Variants in NALCN observed in about 807,000 individuals in gnomAD.
The protein encoded by NALCN is sodium leak channel, non-selective, also known as sodium leak channel NALCN.
In NALCN, 111 loss-of-function variants were observed where a neutral mutation model predicts 225.3. The observed-to-expected ratio is 0.49, with a 90% CI of 0.42 to 0.58. NALCN has a LOEUF of 0.58. Among genes scored for constraint, NALCN ranks in the 20% least tolerant of loss-of-function variants. NALCN has a pLI of 0.00. For missense variants in NALCN, 1,378 were observed against 2,202.4 expected, an observed-to-expected ratio of 0.63 and a Z score of 7.49; for synonymous variants, 764 against 769.0, an observed-to-expected ratio of 0.99 and a Z score of 0.11.
chr13:101,090,051 G>A, intron 28 of NALCN, 85 bp from the exon 29 acceptor site: 1 of 1,590,338 alleles, frequency 6.3e-7, no homozygotes, highest in Non-Finnish European at 8.6e-7. Context: ...CCAGTCATGA[G>A]TGTGGGATAT....
intron 1 of NALCN, among the ~76,000 whole-genome samples, chr13:101,409,613 G>A (rs2047721997): frequency 6.6e-6 from 1 of 152,074 alleles, no homozygotes; most frequent in Admixed American, 6.6e-5. Flanking sequence ...TTTTGATTGT[G>A]GTTGTTTAAT....
At chr13:101,186,344 T>G (rs1360837582) in intron 14 of NALCN, among the ~76,000 whole-genome samples, 3 of 152,184 alleles carry the variant, frequency 2.0e-5, no homozygotes, top group Non-Finnish European at 2.9e-5. Context: ...TAAGAGGACA[T>G]GAATTAAGCT....
chr13:101,271,462 C>T (rs1224530187), intron 10 of NALCN, among the ~76,000 whole-genome samples: 1 of 152,044 alleles, frequency 6.6e-6, no homozygotes. Flanking sequence ...CTACATGTAG[C>T]TATTTTATTT....
At chr13:101,375,930 A>G (rs1445246101) in intron 6 of NALCN, among the ~76,000 whole-genome samples, 1 of 152,014 alleles carries the variant, frequency 6.6e-6, no homozygotes, top group African/African-American at 2.4e-5. Context: ...CTGCCATCAC[A>G]TCCCTGGAGT....
At chr13:101,278,071 T>C (rs1435717184) in intron 10 of NALCN, among the ~76,000 whole-genome samples, 2 of 152,236 alleles carry the variant, frequency 1.3e-5, no homozygotes, top group East Asian at 3.8e-4. Context: ...AAATCAACAG[T>C]TCCCAGTAGT....
chr13:101,241,355 A>C (rs1047680649), intron 11 of NALCN, among the ~76,000 whole-genome samples: 1 of 152,178 alleles, frequency 6.6e-6, no homozygotes, highest in African/African-American at 2.4e-5. Context: ...TGTTTCTCAG[A>C]TTCTGGACGT....
chr13:101,321,706 T>G (rs2044751413), intron 7 of NALCN, among the ~76,000 whole-genome samples: 2 of 152,114 alleles, frequency 1.3e-5, no homozygotes, highest in African/African-American at 4.8e-5. Context: ...CTAAATTACC[T>G]GGAGTAGGTG....
At chr13:101,350,485 T>C (rs2045877469) in intron 6 of NALCN, among the ~76,000 whole-genome samples, 1 of 152,112 alleles carries the variant, frequency 6.6e-6, no homozygotes, top group East Asian at 1.9e-4. Flanking sequence ...CAAGGTACCC[T>C]CACTTTTTGT....
At chr13:101,086,675 C>T (rs540821826) in intron 30 of NALCN, among the ~76,000 whole-genome samples, 1 of 152,014 alleles carries the variant, frequency 6.6e-6, no homozygotes, top group East Asian at 1.9e-4. Context: ...TTTTATTCTA[C>T]TCTGAATTAT....
At chr13:101,341,689 G>T (rs1594708756) in intron 7 of NALCN, among the ~76,000 whole-genome samples, 1 of 151,974 alleles carries the variant, frequency 6.6e-6, no homozygotes, top group Admixed American at 6.6e-5. Flanking sequence ...ATAAATTTTT[G>T]TTAGACCAGA....
intron 9 of NALCN, among the ~76,000 whole-genome samples, chr13:101,285,853 G>T (rs1205368596): frequency 6.6e-6 from 1 of 152,076 alleles, no homozygotes; most frequent in Non-Finnish European, 1.5e-5. Context: ...AACCAGCATT[G>T]CCAGTCACCA....
intron 7 of NALCN, among the ~76,000 whole-genome samples, chr13:101,318,691 C>A (rs1020016110): frequency 7.9e-5 from 12 of 152,160 alleles, no homozygotes; most frequent in African/African-American, 2.9e-4. Flanking sequence ...AGGAAATCCA[C>A]CCCAGGGAAC....
chr13:101,093,138 C>T, intron 28 of NALCN, among the ~76,000 whole-genome samples: 1 of 152,168 alleles, frequency 6.6e-6, no homozygotes, highest in Non-Finnish European at 1.5e-5. Context: ...ATAAATCACA[C>T]TGTATTTATA....
chr13:101,385,309 T>C (rs576093112), intron 3 of NALCN, among the ~76,000 whole-genome samples: 1 of 152,266 alleles, frequency 6.6e-6, no homozygotes, highest in African/African-American at 2.4e-5. Flanking sequence ...TACTCATCCT[T>C]CAAGGCATTG....
intron 42 of NALCN, among the ~76,000 whole-genome samples, chr13:101,059,575 T>A (rs917402162): frequency 6.6e-6 from 1 of 152,062 alleles, no homozygotes; most frequent in African/African-American, 2.4e-5. Context: ...CATTCACTTT[T>A]TTTGGCATTC....
In NALCN at chr13:101,056,246, C is replaced by CTTTT. The variant is rs34583741; in HGVS notation, c.5024-762_5024-759dup. On this transcript the variant is annotated intron_variant, in intron 43 of 43. Transcript: ENST00000251127. ...ACCTAGGCATGGACCAGTGGAAGTACTTTTTTTTTTTTTTTTTTTTTTTTT... is the reference window on the plus strand; with the variant it reads ...ACCTAGGCATGGACCAGTGGAAGTACTTTTTTTTTTTTTTTTTTTTTTTTTTTTT... 3.1e-3 allele frequency among the ~76,000 whole-genome samples: 141 copies of CTTTT among 45,852 alleles called. 17 individuals carry two copies. The highest frequency in any genetic ancestry group is 9.3e-3 in the African/African-American group (101 of 10,906). 30.1% of individuals were successfully genotyped at this position (45,852 alleles called of 152,430 possible).
At chr13:101,235,153 TA>T (rs547061576) in intron 12 of NALCN, among the ~76,000 whole-genome samples, 179 of 152,094 alleles carry the variant, frequency 1.2e-3, no homozygotes, top group African/African-American at 4.0e-3. Context: ...TTCTAAGTTA[TA>T]AAAAACTCAT....
At chr13:101,059,778 C>T in intron 42 of NALCN, 40 bp downstream of exon 42, 1 of 1,587,900 alleles carries the variant, frequency 6.3e-7, no homozygotes, top group Non-Finnish European at 8.6e-7. Flanking sequence ...GAAAGAAGCC[C>T]ACAGAGTGTC....
intron 30 of NALCN, among the ~76,000 whole-genome samples, chr13:101,084,722 T>C (rs1392798531): frequency 2.0e-5 from 3 of 152,232 alleles, no homozygotes; most frequent in African/African-American, 4.8e-5. Context: ...TCCGAAGTTA[T>C]TCATTTTTGA....
Sources: gnomAD v4.1 joint callset for allele counts (sites outside exome capture counted in the v4.1 genomes callset) on GRCh38, gnomAD v4.1.1 for gene constraint, MANE v1.5 for transcripts, NCBI Gene and HGNC (gene_info 2026-07-23, HGNC 2026-07-21) for gene names.